The following TRPV5 variants were observed in gnomAD, a reference collection of about 807,000 sequenced individuals.
TRPV5 encodes the protein calcium transport protein 2.
In TRPV5, 66 loss-of-function variants were observed where a neutral mutation model predicts 74.1. The observed-to-expected ratio is 0.89, with a 90% CI of 0.73 to 1.09. TRPV5 has a LOEUF of 1.09. Among genes scored for constraint, TRPV5 ranks in the 50% least tolerant of loss-of-function variants. The pLI is 0.00. For missense variants in TRPV5, 936 were observed against 930.4 expected, an observed-to-expected ratio of 1.01 and a Z score of -0.08; for synonymous variants, 399 against 360.7, an observed-to-expected ratio of 1.11 and a Z score of -1.20.
At chr7:142,929,363 C>T in intron 4 of TRPV5, 65 bp downstream of exon 4, 1 of 1,586,110 alleles carries the variant, frequency 6.3e-7, no homozygotes. Flanking sequence ...CCCTCATGCC[C>T]TGGCCTCCCT....
intron 8 of TRPV5, 31 bp from the exon 9 acceptor site, chr7:142,915,599 C>G: frequency 6.2e-7 from 1 of 1,606,818 alleles, no homozygotes; most frequent in Non-Finnish European, 8.5e-7. Context: ...GAAGTGCTTT[C>G]TGATGGGCAG....
In TRPV5 at chr7:142,914,921, C is replaced by T; in HGVS notation, c.1412G>A (p.Gly471Glu). 1 of 1,614,128 alleles carries T rather than the reference C, an allele frequency of 6.2e-7. No individual in the cohort carries two copies. Among genetic ancestry groups the T allele is most frequent in the South Asian group, 1.1e-5 (1 of 91,076 alleles). Reference sequence around the variant, plus strand: ...GGTGAAGGGACCCAGCATCTGGAATCCTCGAGTGAAATACATGACACTGCA... The same window carrying T: ...GGTGAAGGGACCCAGCATCTGGAATTCTCGAGTGAAATACATGACACTGCA... Reference protein sequence around the residue: ...GWCSVMYFTRGFQMLGPFTIM... With the variant: ...GWCSVMYFTREFQMLGPFTIM... The change falls in exon 11 of 15, where the codon GGA (glycine) becomes GAA (glutamate). Residue 471 changes from glycine to glutamate, a missense_variant. Physicochemically the swap from Gly to Glu is moderately conservative, Grantham distance 98. Coordinates refer to ENST00000265310, the MANE Select transcript of TRPV5 (RefSeq NM_019841.7).
Position 142,912,576 on chromosome 7 carries a change from A to T in TRPV5, c.1694T>A (p.Ile565Asn), listed in dbSNP as rs376114033. ...CAAGTTGAGCATGAGCAGTGTGGCA[A>T]TGATGGTGAAGGCGAAGTTGACAAT... ...FSIVNFAFTI[I>N]ATLLMLNLFI... The change falls in exon 13 of 15, where the codon ATT becomes AAT. Residue 565 changes from isoleucine to asparagine, a missense_variant. Ile to Asn is a moderately radical substitution (Grantham distance 149). Coordinates refer to ENST00000265310, the MANE Select transcript of TRPV5 (RefSeq NM_019841.7). 7 of 1,614,050 alleles carry T rather than the reference A, an allele frequency of 4.3e-6. No homozygotes were observed. The highest frequency in any genetic ancestry group is 5.1e-6 in the Non-Finnish European group (6 of 1,179,974).
chr7:142,928,148 G>A lies in TRPV5; in HGVS notation c.849C>T (p.Ile283=), dbSNP rs375090916. 38 of 1,614,148 alleles carry A rather than the reference G, an allele frequency of 2.4e-5. No homozygotes were observed. The highest frequency in any genetic ancestry group is 1.6e-4 in the South Asian group (15 of 91,074). The stretch of plus-strand genomic sequence containing the variant: ...AGGACAGCTCCTCTCCCCAGGAGTC[G>A]ATCTCCGTGAGGTCGTAGAGAATGG... ...LTSILYDLTE[I]DSWGEELSFL... Residue 283 remains isoleucine (I), a synonymous_variant, in exon 7 of 15, where the codon ATC becomes ATT. Transcript: ENST00000265310.
intron 1 of TRPV5, among the ~76,000 whole-genome samples, chr7:142,931,405 A>G (rs2116611559): frequency 6.6e-6 from 1 of 152,222 alleles, no homozygotes; most frequent in African/African-American, 2.4e-5. Context: ...ATACCCTTAG[A>G]TGCAAAGGTC....
chr7:142,930,286 G>C, intron 2 of TRPV5, 63 bp downstream of exon 2: 1 of 1,610,570 alleles, frequency 6.2e-7, no homozygotes, highest in East Asian at 2.2e-5. Flanking sequence ...CAAACTCGAA[G>C]TCTTGGGGAG....
At position 142,933,526 on chromosome 7, in the gene TRPV5, C is replaced by T; in HGVS notation, c.-67G>A. 6.4e-7 allele frequency: 1 copy of T among 1,565,098 alleles called. No homozygotes were observed. The highest frequency in any genetic ancestry group is 8.6e-7 in the Non-Finnish European group (1 of 1,157,272). ...GAAAGAAACAGGTCTAGGATGACAG[C>T]AACTGAGCAAGAGATGGGGTCTATT... On this transcript the variant is annotated 5_prime_UTR_variant, in exon 1 of 15. Transcript: ENST00000265310.
chr7:142,912,408 C>T (rs1795713756), intron 13 of TRPV5, 74 bp downstream of exon 13: 4 of 1,541,758 alleles, frequency 2.6e-6, no homozygotes, highest in Middle Eastern at 2.3e-4. Flanking sequence ...AAGAATGATC[C>T]ACCATAACAT....
In TRPV5 at chr7:142,928,745, G is replaced by A; in HGVS notation, c.708C>T (p.Pro236=). Residue 236 remains proline (P), a synonymous_variant, in exon 6 of 15, where the codon CCC becomes CCT. Transcript: ENST00000265310. ...TGAAGGGGGTGAGACCCTGGTGATT[G>A]GGCACAAGGTCCAGGGGCTGCAGGT... The part of the protein sequence containing the change: ...GDHLQPLDLV[P]NHQGLTPFKL... The A allele has an allele frequency of 1.2e-6, 2 of 1,614,160 alleles. No homozygotes were observed. Among genetic ancestry groups the A allele is most frequent in the South Asian group, 1.1e-5 (1 of 91,084 alleles).
Position 142,928,858 on chromosome 7 carries a change from CTG to C in TRPV5, c.593_594del (p.Thr198SerfsTer25). On this transcript the variant is annotated frameshift_variant, in exon 6 of 15. Transcript: ENST00000265310. LOFTEE classifies it high-confidence loss of function. ...DIRAQDSLGNTVLHILILQPN... is the reference protein window; with the variant it reads ...DIRAQDSLGNXVLHILILQPN... ...GGCTGGAGGATGAGGATGTGTAATA[CTG>C]TGTTTCCTGGGGAGGACGCAGGGTA... 6.2e-7 allele frequency: 1 copy of C among 1,614,014 alleles called. No individual in the cohort carries two copies. The highest frequency in any genetic ancestry group is 8.5e-7 in the Non-Finnish European group (1 of 1,179,954).
chr7:142,913,021 A>G (rs1795728822), intron 12 of TRPV5, among the ~76,000 whole-genome samples: 1 of 152,170 alleles, frequency 6.6e-6, no homozygotes, highest in African/African-American at 2.4e-5. Context: ...AACAACAACA[A>G]AATTGTGTGT....
Position 142,933,612 on chromosome 7 carries a change from G to A in TRPV5, c.-153C>T, listed in dbSNP as rs1554531252. 25 of 1,026,014 alleles carry A rather than the reference G, an allele frequency of 2.4e-5. No individual in the cohort carries two copies. The highest frequency in any genetic ancestry group is 1.8e-5 in the Non-Finnish European group (13 of 703,912). 63.6% of individuals were successfully genotyped at this position (1,026,014 alleles called of 1,614,324 possible). ...TTGTGTATGCAGCATGCAGCTTGTAGGTGTGTGTGTGTGCATGCAGTATGT... is the reference window on the plus strand; with the variant it reads ...TTGTGTATGCAGCATGCAGCTTGTAAGTGTGTGTGTGTGCATGCAGTATGT... On this transcript the variant is annotated 5_prime_UTR_variant, in exon 1 of 15. Transcript: ENST00000265310.
At chr7:142,931,267 G>T (rs779367960) in intron 1 of TRPV5, among the ~76,000 whole-genome samples, 1 of 151,912 alleles carries the variant, frequency 6.6e-6, no homozygotes, top group Non-Finnish European at 1.5e-5. Flanking sequence ...CAGGCAATCC[G>T]CCTGCCTTGG....
chr7:142,929,174 G>C (rs1021987946), intron 4 of TRPV5, 54 bp from the exon 5 acceptor site: 1 of 1,591,404 alleles, frequency 6.3e-7, no homozygotes, highest in Admixed American at 1.8e-5. Flanking sequence ...AGGATGGGGT[G>C]GGCAGTCTCC....
intron 8 of TRPV5, among the ~76,000 whole-genome samples, chr7:142,919,914 C>A (rs963987630): frequency 5.9e-5 from 9 of 152,154 alleles, no homozygotes; most frequent in African/African-American, 1.9e-4. Context: ...ACCTTTTTCC[C>A]CCCCATGATC....
chr7:142,908,591 G>C lies in TRPV5; in HGVS notation c.2113C>G (p.Arg705Gly). The C allele has an allele frequency of 6.2e-7, 1 of 1,614,204 alleles. No homozygotes were observed. Among genetic ancestry groups the C allele is most frequent in the Non-Finnish European group, 8.5e-7 (1 of 1,180,030 alleles). The change falls in exon 15 of 15, where the codon CGT becomes GGT. Residue 705 changes from arginine to glycine, a missense_variant. Coordinates refer to ENST00000265310, the MANE Select transcript of TRPV5 (RefSeq NM_019841.7). ...SSSHRGWEIL[R>G]QNTLGHLNLG... is the part of the protein sequence containing the mutation. ...TTCAAGTGCCCCAGGGTGTTTTGAC[G>C]AAGGATCTCCCAGCCTCGGTGACTG...
intron 13 of TRPV5, 144 bp downstream of exon 13, chr7:142,912,338 C>T: frequency 1.9e-6 from 2 of 1,047,358 alleles, no homozygotes; most frequent in African/African-American, 1.6e-5. Flanking sequence ...ACATGTACCT[C>T]AGGTTTACAC....
intron 12 of TRPV5, 88 bp from the exon 13 acceptor site, chr7:142,912,838 A>ATCTG: frequency 1.7e-6 from 1 of 578,852 alleles, no homozygotes; most frequent in East Asian, 3.1e-5. Context: ...TCTATCTCTG[A>ATCTG]TCTATCTATC....
chr7:142,930,525 C>A (rs1586230277), intron 1 of TRPV5, 79 bp from the exon 2 acceptor site: 2 of 1,058,158 alleles, frequency 1.9e-6, no homozygotes, highest in East Asian at 4.7e-5. Flanking sequence ...CTAAGACATT[C>A]TTTAAGACCA....
Sources: allele counts gnomAD v4.1 joint callset (sites outside exome capture counted in the v4.1 genomes callset), GRCh38; gene constraint gnomAD v4.1.1; transcripts MANE v1.5; gene names NCBI Gene and HGNC (gene_info 2026-07-23, HGNC 2026-07-21).